PGAP1: variants seen among roughly 807,000 people sequenced by gnomAD.
The protein encoded by PGAP1 is GPI inositol-deacylase.
A neutral mutation model predicts 127.0 loss-of-function variants in PGAP1; 76 were observed. That is an observed-to-expected ratio of 0.60 (90% confidence interval 0.50 to 0.72). The LOEUF (loss-of-function observed/expected upper bound fraction) is 0.72. PGAP1 is among the 30% of genes least tolerant of loss of function. PGAP1 has a pLI of 0.00. For synonymous variants in PGAP1, 362 were observed against 366.5 expected, an observed-to-expected ratio of 0.99 and a Z score of 0.14; for missense variants, 982 against 1,071.3, an observed-to-expected ratio of 0.92 and a Z score of 1.16.
In PGAP1 at chr2:196,889,394, T is replaced by C. The variant is rs148701067; in HGVS notation, c.1173+1434A>G. Among the ~76,000 whole-genome samples the C allele has an allele frequency of 1.9e-4, 29 of 151,956 alleles. No homozygotes were observed. In the East Asian group the frequency reaches 4.8e-3, roughly 25 times the overall value. ...CATCTTTTTTTAAAATATTTTACTA[T>C]ATAATCAAATGTCAGCATCTCCAGC... On this transcript the variant is annotated intron_variant, in intron 10 of 26. Transcript: ENST00000354764.
chr2:196,921,495 T>C (rs1410618052), intron 1 of PGAP1, among the ~76,000 whole-genome samples: 4 of 152,008 alleles, frequency 2.6e-5, no homozygotes, highest in Admixed American at 1.3e-4. Context: ...TAGGTACAAA[T>C]TAAATAAAAA....
Position 196,842,834 on chromosome 2 carries a change from T to C in PGAP1, c.2526-9A>G. ...TAAGTTTAAAATAATACCTATAATA[T>C]TAAAAAAAGAAACCCACAAATCAAC... On this transcript the variant is annotated splice_polypyrimidine_tract_variant and intron_variant, in intron 25 of 26. Transcript: ENST00000354764. 1 of 1,324,318 alleles carries C rather than the reference T, an allele frequency of 7.6e-7. No homozygotes were observed. Among genetic ancestry groups the C allele is most frequent in the Non-Finnish European group, 1.0e-6 (1 of 955,928 alleles). The allele number at this position is 1,324,318 out of a possible 1,614,324, so 82.0% of individuals were successfully genotyped here. A position where few individuals can be genotyped will look rare whatever the true frequency, so the allele number is the denominator to read the frequency against.
At chr2:196,902,414 TTTTCTCTC>T (rs912453508) in intron 5 of PGAP1, among the ~76,000 whole-genome samples, 163 bp downstream of exon 5, 2 of 151,694 alleles carry the variant, frequency 1.3e-5, no homozygotes, top group African/African-American at 2.4e-5. Context: ...CATTCATTCA[TTTTCTCTC>T]TTTCTCTCTT....
chr2:196,854,884 C>A (rs751836300), intron 20 of PGAP1, among the ~76,000 whole-genome samples: 1 of 152,072 alleles, frequency 6.6e-6, no homozygotes, highest in Non-Finnish European at 1.5e-5. Context: ...CTCAAGTGAT[C>A]CTCCCACCTC....
At chr2:196,917,820 GTA>G (rs1331419372) in intron 2 of PGAP1, among the ~76,000 whole-genome samples, 2 of 151,860 alleles carry the variant, frequency 1.3e-5, no homozygotes, top group Admixed American at 6.6e-5. Context: ...TTTTGTGTGG[GTA>G]TATGTTTATT....
intron 7 of PGAP1, among the ~76,000 whole-genome samples, chr2:196,894,493 A>C (rs1287224971): frequency 6.6e-6 from 1 of 152,214 alleles, no homozygotes; most frequent in East Asian, 1.9e-4. Context: ...AATCAATTAA[A>C]TGTTACAGCC....
intron 4 of PGAP1, among the ~76,000 whole-genome samples, chr2:196,911,566 C>A: frequency 1.1e-5 from 1 of 87,820 alleles, no homozygotes; most frequent in South Asian, 5.0e-4. Context: ...TGTAACTAAC[C>A]TGCACAATGT....
At chr2:196,893,266 T>G in intron 7 of PGAP1, 21 bp from the exon 8 acceptor site, 3 of 1,255,002 alleles carry the variant, frequency 2.4e-6, no homozygotes, top group Non-Finnish European at 3.5e-6. Flanking sequence ...CATTGATACA[T>G]TCTGTATCAT....
intron 19 of PGAP1, among the ~76,000 whole-genome samples, chr2:196,865,895 A>G (rs1352579487): frequency 2.1e-4 from 32 of 152,168 alleles, no homozygotes; most frequent in Admixed American, 2.0e-3. Context: ...AGAATAAAAT[A>G]CCTAGGAATA....
intron 8 of PGAP1, among the ~76,000 whole-genome samples, chr2:196,892,875 T>A (rs2125819345): frequency 6.6e-6 from 1 of 152,240 alleles, no homozygotes; most frequent in Non-Finnish European, 1.5e-5. Flanking sequence ...AGAACAGTCA[T>A]TTAACTGAAA....
chr2:196,883,045 TGA>T (rs1043867577), intron 12 of PGAP1, among the ~76,000 whole-genome samples: 1 of 152,212 alleles, frequency 6.6e-6, no homozygotes, highest in Non-Finnish European at 1.5e-5. Context: ...CCTAGTCTAC[TGA>T]GAGTTTTTAA....
At position 196,918,843 on chromosome 2, in the gene PGAP1, A is replaced by G. The variant is rs138068324; in HGVS notation, c.301+1154T>C. 4.0e-3 allele frequency among the ~76,000 whole-genome samples: 605 copies of G among 152,230 alleles called. 3 individuals are homozygous for G. The highest frequency in any genetic ancestry group is 0.014 in the African/African-American group (567 of 41,542). ...ATTTGTAACCAAATATCTATGTTCT[A>G]TGTGTTTCTCTGTATGTAATATTTC... On this transcript the variant is annotated intron_variant, in intron 2 of 26. Transcript: ENST00000354764.
At chr2:196,846,960 C>A (rs1353304292) in intron 22 of PGAP1, 43 bp downstream of exon 22, 14 of 1,459,490 alleles carry the variant, frequency 9.6e-6, no homozygotes, top group African/African-American at 2.9e-5. Context: ...ATATATATTT[C>A]TTCTTAAAGC....
chr2:196,856,924 G>C (rs1207119291), intron 20 of PGAP1, among the ~76,000 whole-genome samples: 2 of 151,992 alleles, frequency 1.3e-5, no homozygotes, highest in Non-Finnish European at 2.9e-5. Flanking sequence ...TGATTTATTT[G>C]AGCTGTGTTT....
At chr2:196,842,667 G>T in intron 26 of PGAP1, 54 bp downstream of exon 26, 1 of 830,698 alleles carries the variant, frequency 1.2e-6, no homozygotes, top group South Asian at 2.1e-5. Context: ...TAGATATAAA[G>T]GGGGAAAAAG....
Position 196,841,075 on chromosome 2 carries a change from C to T in PGAP1, c.*159G>A. The stretch of plus-strand genomic sequence containing the variant: ...AAACAAAACCATGCTTCAACTACTT[C>T]CCTCAAACATTACAAAACTAATTTC... On this transcript the variant is annotated 3_prime_UTR_variant, in exon 27 of 27. Transcript: ENST00000354764. 1 of 842,506 alleles carries T rather than the reference C, an allele frequency of 1.2e-6. No individual in the cohort carries two copies. The highest frequency in any genetic ancestry group is 2.6e-5 in the East Asian group (1 of 38,844). 52.2% of individuals were successfully genotyped at this position (842,506 alleles called of 1,614,324 possible).
intron 20 of PGAP1, among the ~76,000 whole-genome samples, chr2:196,849,053 A>G (rs1169484737): frequency 6.6e-6 from 1 of 152,178 alleles, no homozygotes; most frequent in African/African-American, 2.4e-5. Flanking sequence ...TCAGAACTAC[A>G]TATTTAATTG....
rs539608900 is a variant in PGAP1 at position 196,833,065 on chromosome 2, G to A, written c.*8169C>T. 7 of 152,436 alleles carry A rather than the reference G, an allele frequency of 4.6e-5. No individual in the cohort carries two copies. The East Asian group carries it at 5.8e-4, about 13-fold the overall frequency. 9.4% of individuals were successfully genotyped at this position (152,436 alleles called of 1,614,324 possible). A position where few individuals can be genotyped will look rare whatever the true frequency, so the allele number is the denominator to read the frequency against. ...ACACCAGATTATCACAGATTAAAAA[G>A]AAAGCACCAAAAATTACTACACATT... On this transcript the variant is annotated 3_prime_UTR_variant, in exon 27 of 27. Coordinates refer to ENST00000354764, the MANE Select transcript of PGAP1 (RefSeq NM_024989.4).
intron 12 of PGAP1, among the ~76,000 whole-genome samples, chr2:196,881,920 T>G (rs1412973664): frequency 4.6e-5 from 7 of 152,310 alleles, no homozygotes; most frequent in Admixed American, 3.9e-4. Flanking sequence ...CATGAAATCT[T>G]TGCCCATTCC....
Sources: allele counts gnomAD v4.1 joint callset (sites outside exome capture counted in the v4.1 genomes callset), GRCh38; gene constraint gnomAD v4.1.1; transcripts MANE v1.5; gene names NCBI Gene and HGNC (gene_info 2026-07-23, HGNC 2026-07-21).